CFAP54: variants seen among roughly 807,000 people sequenced by gnomAD.
CFAP54 encodes cilia- and flagella-associated protein 54.
Under a neutral mutation model 370.4 loss-of-function variants are expected in CFAP54, and 290 were observed. That is an observed-to-expected ratio of 0.78 (90% CI 0.71 to 0.86). The LOEUF (loss-of-function observed/expected upper bound fraction) is 0.86. Among genes scored for constraint, CFAP54 ranks in the 40% least tolerant of loss-of-function variants. CFAP54 has a pLI of 0.00. For missense variants in CFAP54, 3,399 were observed against 3,528.7 expected (o/e 0.96, Z 0.93); for synonymous variants, 1,206 against 1,236.5 (o/e 0.98, Z 0.52).
At position 96,581,031 on chromosome 12, in the gene CFAP54, A is replaced by G. The variant is rs1460732392; in HGVS notation, c.3001A>G (p.Ile1001Val). 6.5e-7 allele frequency: 1 copy of G among 1,533,740 alleles called. No individual in the cohort carries two copies. Among genetic ancestry groups the G allele is most frequent in the African/African-American group, 1.4e-5 (1 of 72,944 alleles). Residue 1001 changes from isoleucine to valine, a missense_variant, in exon 22 of 68, where the codon ATT becomes GTT. Physicochemically the swap from Ile to Val is conservative, Grantham distance 29. This residue lies in a region of CFAP54 where 2,796 missense variants were observed against 2,869.7 expected (regional missense o/e 0.97). Coordinates refer to ENST00000524981, the MANE Select transcript of CFAP54 (RefSeq NM_001306084.2). Reference protein sequence around the residue: ...SNNGKLVGGAIGETTKPILVY... With the variant: ...SNNGKLVGGAVGETTKPILVY... ...CAACGGAAAGCTTGTCGGTGGTGCT[A>G]TTGGGGAGACAACTAAACCAATTCT...
chr12:96,540,923 A>G lies in CFAP54; in HGVS notation c.2013A>G (p.Thr671=), dbSNP rs1199840438. The part of the protein sequence containing the change: ...DIDIVVVAEV[T]LRLSEILESL... ...ACATTGTGGTAGTGGCAGAAGTCAC[A>G]TTACGGTTAAGTGAAATATTGGAAT... The change falls in exon 14 of 68, where the codon ACA becomes ACG. Residue 671 remains threonine, a synonymous_variant. Coordinates refer to ENST00000524981, the MANE Select transcript of CFAP54 (RefSeq NM_001306084.2). The G allele has an allele frequency of 6.6e-7, 1 of 1,522,686 alleles. No homozygotes were observed. Among genetic ancestry groups the G allele is most frequent in the Admixed American group, 2.1e-5 (1 of 48,750 alleles). 94.3% of individuals were successfully genotyped at this position (1,522,686 alleles called of 1,614,324 possible). A position where few individuals can be genotyped will look rare whatever the true frequency, so the allele number is the denominator to read the frequency against.
intron 9 of CFAP54, among the ~76,000 whole-genome samples, chr12:96,529,465 C>T (rs554167344): frequency 6.6e-6 from 1 of 152,236 alleles, no homozygotes; most frequent in Admixed American, 6.5e-5. Flanking sequence ...TTAGTTTGCA[C>T]ACCCATCAAC....
chr12:96,555,265 G>C (rs1016368063), intron 17 of CFAP54, among the ~76,000 whole-genome samples: 2 of 151,956 alleles, frequency 1.3e-5, no homozygotes, highest in African/African-American at 2.4e-5. Flanking sequence ...GAAAGTCAGA[G>C]ATGAGTTCCT....
intron 63 of CFAP54, among the ~76,000 whole-genome samples, chr12:96,796,214 T>G (rs1958760260): frequency 6.6e-6 from 1 of 152,152 alleles, no homozygotes; most frequent in South Asian, 2.1e-4. Flanking sequence ...TATGTTCCTG[T>G]GTTAGTTCTT....
At chr12:96,862,499 G>A (rs1425910911) in intron 67 of CFAP54, among the ~76,000 whole-genome samples, 6 of 152,198 alleles carry the variant, frequency 3.9e-5, no homozygotes, top group East Asian at 1.9e-4. Flanking sequence ...ACACTAGTAC[G>A]CATTTAATAA....
At chr12:96,859,076 G>A (rs1190856245) in intron 66 of CFAP54, among the ~76,000 whole-genome samples, 2 of 152,096 alleles carry the variant, frequency 1.3e-5, no homozygotes, top group Non-Finnish European at 1.5e-5. Flanking sequence ...CAATGGAACA[G>A]AATAGAGAAC....
At chr12:96,735,324 G>A (rs1005471831) in intron 50 of CFAP54, among the ~76,000 whole-genome samples, 2 of 152,164 alleles carry the variant, frequency 1.3e-5, no homozygotes, top group African/African-American at 4.8e-5. Context: ...TTTATCCCCT[G>A]AAAGGAACAG....
chr12:96,825,592 ATAT>A (rs930943450), intron 65 of CFAP54, among the ~76,000 whole-genome samples: 1 of 119,740 alleles, frequency 8.4e-6, no homozygotes, highest in Non-Finnish European at 1.6e-5. Flanking sequence ...ATATATACAT[ATAT>A]TATTTACATA....
At chr12:96,598,243 A>G (rs1956199668) in intron 25 of CFAP54, among the ~76,000 whole-genome samples, 1 of 152,052 alleles carries the variant, frequency 6.6e-6, no homozygotes, top group Non-Finnish European at 1.5e-5. Context: ...TATTTCAAGT[A>G]CCTGGAATCA....
At chr12:96,873,451 A>T (rs1592827557) in intron 67 of CFAP54, among the ~76,000 whole-genome samples, 1 of 152,354 alleles carries the variant, frequency 6.6e-6, no homozygotes, top group Non-Finnish European at 1.5e-5. Flanking sequence ...GACTCAATCC[A>T]GAGGTTCATG....
intron 11 of CFAP54, among the ~76,000 whole-genome samples, chr12:96,535,283 C>G (rs1452129940): frequency 3.3e-5 from 5 of 152,064 alleles, no homozygotes; most frequent in African/African-American, 1.2e-4. Context: ...CTCCTGACCT[C>G]AAGTGATCCG....
chr12:96,723,933 G>T (rs953878225), intron 50 of CFAP54, among the ~76,000 whole-genome samples: 3 of 148,952 alleles, frequency 2.0e-5, no homozygotes, highest in African/African-American at 7.5e-5. Context: ...GCGGTGTTTG[G>T]TTTTTTGTCC....
intron 3 of CFAP54, among the ~76,000 whole-genome samples, chr12:96,504,381 C>A (rs1307586673): frequency 6.6e-6 from 1 of 151,068 alleles, no homozygotes; most frequent in Admixed American, 6.6e-5. Context: ...AAAAATAAAG[C>A]TTATCACATA....
chr12:96,653,840 A>ATTG (rs148044753), intron 36 of CFAP54, among the ~76,000 whole-genome samples: 1 of 7,044 alleles, frequency 1.4e-4, no homozygotes, highest in African/African-American at 4.1e-4. Flanking sequence ...TAAATTAAAA[A>ATTG]TTAAATCTAG....
intron 60 of CFAP54, among the ~76,000 whole-genome samples, chr12:96,778,657 G>GT (rs1248303135): frequency 6.6e-6 from 1 of 152,098 alleles, no homozygotes; most frequent in Non-Finnish European, 1.5e-5. Context: ...TGGAATTTGT[G>GT]TTTTTGTTAC....
At chr12:96,648,654 T>A (rs948193462) in intron 34 of CFAP54, among the ~76,000 whole-genome samples, 3 of 141,908 alleles carry the variant, frequency 2.1e-5, no homozygotes, top group African/African-American at 7.8e-5. Context: ...GCAGTGGCGA[T>A]CTCGGCTGGC....
At chr12:96,721,392 T>C (rs1176540239) in intron 50 of CFAP54, among the ~76,000 whole-genome samples, 2 of 152,226 alleles carry the variant, frequency 1.3e-5, no homozygotes, top group Non-Finnish European at 2.9e-5. Context: ...CCAGTATCTG[T>C]TAACTCTCTC....
intron 60 of CFAP54, among the ~76,000 whole-genome samples, chr12:96,778,632 C>T (rs1009458265): frequency 2.0e-5 from 3 of 152,118 alleles, no homozygotes; most frequent in Non-Finnish European, 4.4e-5. Flanking sequence ...TAGCTCTTCT[C>T]TGATTTACTG....
chr12:96,489,596 C>G lies in CFAP54; in HGVS notation c.-14C>G. 1 of 1,506,452 alleles carries G rather than the reference C, an allele frequency of 6.6e-7. No individual in the cohort carries two copies. Among genetic ancestry groups the G allele is most frequent in the Non-Finnish European group, 8.9e-7 (1 of 1,127,772 alleles). The allele number at this position is 1,506,452 out of a possible 1,614,324, so 93.3% of individuals were successfully genotyped here. On this transcript the variant is annotated 5_prime_UTR_variant, in exon 1 of 68. Transcript: ENST00000524981. ...GCGTGTACACATACTCCAGGCGGGC[C>G]GGGGCGCGTCAATATGGCGGCGCAG...
Sources: allele counts gnomAD v4.1 joint callset (sites outside exome capture counted in the v4.1 genomes callset), GRCh38; gene constraint gnomAD v4.1.1; regional missense constraint gnomAD v4.1.1; transcripts MANE v1.5; gene names NCBI Gene and HGNC (gene_info 2026-07-23, HGNC 2026-07-21).